The following RAI1 variants were observed in gnomAD, a reference collection of about 807,000 sequenced individuals.
RAI1 encodes the protein retinoic acid induced 1, also known as retinoic acid-induced protein 1.
Under a neutral mutation model 123.8 loss-of-function variants are expected in RAI1, and 9 were observed. The ratio of observed to expected loss-of-function variants is 0.07; its 90% CI spans 0.04 to 0.13. The LOEUF is 0.13. Ranked by LOEUF, RAI1 falls within the 10% of genes least tolerant of loss-of-function variation. RAI1 has a pLI of 1.00. For missense variants in RAI1, 2,256 were observed against 2,545.8 expected (o/e 0.89, Z 2.45); for synonymous variants, 1,231 against 1,127.3 (o/e 1.09, Z -1.84).
At chr17:17,693,224 CAGAA>C (rs1287640993) in intron 1 of RAI1, among the ~76,000 whole-genome samples, 1 of 152,218 alleles carries the variant, frequency 6.6e-6, no homozygotes, top group Non-Finnish European at 1.5e-5. Flanking sequence ...TGGGAGTCCC[CAGAA>C]AGAGTGAGGA....
chr17:17,682,367 G>C (rs998947681), intron 1 of RAI1: 2 of 148,714 alleles, frequency 1.3e-5, no homozygotes, highest in South Asian at 4.2e-4. Context: ...CGGGGCCTGT[G>C]CGCAGGCCCC....
In RAI1 at chr17:17,811,385, A is replaced by G. The variant is rs2032800255; in HGVS notation, c.*1404A>G. ...GATGTTTATTTTCCTTAAGAGTAAA[A>G]AACAGTCATTGCATTCAGAAAAAAA... On this transcript the variant is annotated 3_prime_UTR_variant, in exon 6 of 6. Coordinates refer to ENST00000353383, the MANE Select transcript of RAI1 (RefSeq NM_030665.4). 4.2e-6 allele frequency: 1 copy of G among 238,800 alleles called. No individual in the cohort carries two copies. The allele number at this position is 238,800 out of a possible 1,614,324, so 14.8% of individuals were successfully genotyped here.
At chr17:17,703,272 C>A (rs529087312) in intron 1 of RAI1, among the ~76,000 whole-genome samples, 1 of 152,274 alleles carries the variant, frequency 6.6e-6, no homozygotes, top group Admixed American at 6.5e-5. Flanking sequence ...GACAGCCGCG[C>A]CCCCTACTGC....
At chr17:17,724,288 G>C (rs1250686715) in intron 2 of RAI1, 129 bp downstream of exon 2, 1 of 151,436 alleles carries the variant, frequency 6.6e-6, no homozygotes, top group Non-Finnish European at 1.5e-5. Context: ...GTCGCCGCCC[G>C]CCGCGGACAC....
At chr17:17,701,139 G>C (rs1915211109) in intron 1 of RAI1, among the ~76,000 whole-genome samples, 1 of 152,172 alleles carries the variant, frequency 6.6e-6, no homozygotes, top group African/African-American at 2.4e-5. Context: ...TTGGGGATGG[G>C]TCTGGGCCCT....
chr17:17,769,655 AG>A lies in RAI1; in HGVS notation c.-16-23273del, dbSNP rs201343670. Among the ~76,000 whole-genome samples, 1,417 of 152,240 alleles carry A rather than the reference AG, an allele frequency of 9.3e-3. 24 individuals are homozygous for A. The highest frequency in any genetic ancestry group is 0.032 in the African/African-American group (1,344 of 41,554). Reference sequence around the variant, plus strand: ...AGGACCTGTGGCAGTGAGGATGGGGAGGGGGCCAGATGGGCACACTTCAGGC... The same window carrying A: ...AGGACCTGTGGCAGTGAGGATGGGGAGGGGCCAGATGGGCACACTTCAGGC... On this transcript the variant is annotated intron_variant, in intron 2 of 5. Transcript: ENST00000353383.
At chr17:17,689,362 G>T (rs1436177854) in intron 1 of RAI1, among the ~76,000 whole-genome samples, 2 of 152,190 alleles carry the variant, frequency 1.3e-5, no homozygotes, top group East Asian at 3.8e-4. Flanking sequence ...TTCTAGCCAG[G>T]TCAAGGCAGA....
chr17:17,694,750 C>CAGGCGGGGGGCG (rs989032776), intron 1 of RAI1, among the ~76,000 whole-genome samples: 11 of 150,160 alleles, frequency 7.3e-5, no homozygotes, highest in Admixed American at 1.3e-4. Flanking sequence ...GCGCTGAGGC[C>CAGGCGGGGGGCG]AGGCGGGGGG....
intron 1 of RAI1, among the ~76,000 whole-genome samples, chr17:17,704,617 C>T (rs566499769): frequency 6.6e-6 from 1 of 152,294 alleles, no homozygotes; most frequent in African/African-American, 2.4e-5. Flanking sequence ...TAGCCTTTAA[C>T]TCTCATCTGG....
At chr17:17,802,479 G>A (rs2143004862) in intron 3 of RAI1, among the ~76,000 whole-genome samples, 1 of 152,192 alleles carries the variant, frequency 6.6e-6, no homozygotes, top group East Asian at 1.9e-4. Flanking sequence ...ACAGAGGGCT[G>A]TTAGAGCCAG....
At chr17:17,778,416 C>A in intron 2 of RAI1, 1 of 276,496 alleles carries the variant, frequency 3.6e-6, no homozygotes. Context: ...CATTTCGTCC[C>A]ACAACAGCAC....
intron 1 of RAI1, among the ~76,000 whole-genome samples, chr17:17,682,061 G>A (rs1162442656): frequency 6.6e-6 from 1 of 150,394 alleles, no homozygotes; most frequent in African/African-American, 2.4e-5. Context: ...TGTGCGGCCA[G>A]CTGAGGTCGG....
intron 2 of RAI1, chr17:17,778,797 C>G (rs916397930): frequency 8.8e-6 from 4 of 456,638 alleles, no homozygotes; most frequent in African/African-American, 8.0e-5. Flanking sequence ...GTTCTGGGGC[C>G]AGGCCAAGCT....
chr17:17,775,360 T>A (rs2031304017), intron 2 of RAI1, among the ~76,000 whole-genome samples: 1 of 152,134 alleles, frequency 6.6e-6, no homozygotes, highest in East Asian at 1.9e-4. Flanking sequence ...TGCATCACCA[T>A]GCCCAGCTAA....
At chr17:17,696,891 C>T (rs1915055794) in intron 1 of RAI1, among the ~76,000 whole-genome samples, 1 of 152,194 alleles carries the variant, frequency 6.6e-6, no homozygotes, top group Non-Finnish European at 1.5e-5. Context: ...GACCCGAGGC[C>T]CCTTGTCGAT....
chr17:17,681,657 G>T lies in RAI1; in HGVS notation c.-285G>T. 1 of 246,518 alleles carries T rather than the reference G, an allele frequency of 4.1e-6. No homozygotes were observed. Among genetic ancestry groups the T allele is most frequent in the Non-Finnish European group, 7.7e-6 (1 of 129,856 alleles). The allele number at this position is 246,518 out of a possible 1,614,324, so 15.3% of individuals were successfully genotyped here. Reference sequence around the variant, plus strand: ...CCTAGCGCCGGCGCGAGGAGGGGGCGCCGCGGCCCACCCTCCTTCCTGCCT... The same window carrying T: ...CCTAGCGCCGGCGCGAGGAGGGGGCTCCGCGGCCCACCCTCCTTCCTGCCT... On this transcript the variant is annotated 5_prime_UTR_variant, in exon 1 of 6. Coordinates refer to ENST00000353383, the MANE Select transcript of RAI1 (RefSeq NM_030665.4).
chr17:17,701,751 A>G (rs770455678), intron 1 of RAI1, among the ~76,000 whole-genome samples: 3 of 152,158 alleles, frequency 2.0e-5, no homozygotes, highest in Non-Finnish European at 2.9e-5. Context: ...GTGCACCACC[A>G]TGCCTGGTTG....
intron 4 of RAI1, among the ~76,000 whole-genome samples, chr17:17,808,560 G>A (rs918129393): frequency 1.3e-5 from 2 of 151,728 alleles, no homozygotes; most frequent in Non-Finnish European, 2.9e-5. Context: ...TGATCCTCCC[G>A]CCCCAGCCTC....
chr17:17,788,512 A>C (rs1023341974), intron 2 of RAI1, among the ~76,000 whole-genome samples: 6 of 151,588 alleles, frequency 4.0e-5, no homozygotes, highest in Admixed American at 2.0e-4. Context: ...CCCTGCCTGG[A>C]CTCCTCCTCT....
Sources: gnomAD v4.1 joint callset for allele counts (sites outside exome capture counted in the v4.1 genomes callset) on GRCh38, gnomAD v4.1.1 for gene constraint, MANE v1.5 for transcripts, NCBI Gene and HGNC (gene_info 2026-07-23, HGNC 2026-07-21) for gene names.